The following CDON variants were observed in gnomAD, a reference collection of about 807,000 sequenced individuals.
The protein encoded by CDON is cell adhesion molecule-related/down-regulated by oncogenes.
Under a neutral mutation model 120.9 loss-of-function variants are expected in CDON, and 73 were observed. That is an observed-to-expected ratio of 0.60 (90% confidence interval 0.50 to 0.73). The LOEUF (loss-of-function observed/expected upper bound fraction) is 0.73. Ranked by LOEUF, CDON falls within the 30% of genes least tolerant of loss-of-function variation. The probability of loss-of-function intolerance (pLI) is 0.00; values close to 1 mark genes in which losing one functional copy is unlikely to be tolerated. For synonymous variants in CDON, 566 were observed against 573.5 expected (o/e 0.99, Z 0.19); for missense variants, 1,470 against 1,587.3 (o/e 0.93, Z 1.26).
At chr11:126,012,491 T>C (rs1196627446) in intron 7 of CDON, among the ~76,000 whole-genome samples, 1 of 151,556 alleles carries the variant, frequency 6.6e-6, no homozygotes, top group South Asian at 2.1e-4. Context: ...AACCTCCACC[T>C]CCCGGGTTCT....
chr11:125,967,440 T>G (rs1382461785), intron 18 of CDON, among the ~76,000 whole-genome samples: 2 of 152,206 alleles, frequency 1.3e-5, no homozygotes, highest in Non-Finnish European at 2.9e-5. Flanking sequence ...GTCCTTCTAT[T>G]ATCTGTCTGC....
chr11:126,030,302 T>C (rs779743052), intron 1 of CDON, among the ~76,000 whole-genome samples: 13 of 152,252 alleles, frequency 8.5e-5, no homozygotes, highest in Admixed American at 1.3e-4. Context: ...AATAATCCTT[T>C]GGGAAAAGTC....
chr11:126,055,584 G>A (rs1037195901), intron 1 of CDON, among the ~76,000 whole-genome samples: 1 of 152,172 alleles, frequency 6.6e-6, no homozygotes. Flanking sequence ...CTCTGATACC[G>A]GCCTTTCTCC....
At chr11:126,048,580 G>C (rs1948467404) in intron 1 of CDON, among the ~76,000 whole-genome samples, 1 of 152,174 alleles carries the variant, frequency 6.6e-6, no homozygotes, top group African/African-American at 2.4e-5. Flanking sequence ...AGAGAATGAA[G>C]AGGAAAATTT....
At chr11:125,995,115 A>G (rs1946745727) in intron 12 of CDON, 63 bp from the exon 13 acceptor site, 2 of 1,425,436 alleles carry the variant, frequency 1.4e-6, no homozygotes, top group Admixed American at 1.7e-5. Context: ...AAAAGCTATA[A>G]TAAGACAACT....
rs751905547 is a variant in CDON at position 126,015,316 on chromosome 11, C to A, written c.1123G>T (p.Val375Phe). Residue 375 changes from valine (V) to phenylalanine (F), a missense_variant, in exon 7 of 20, where the codon GTT becomes TTT. Coordinates refer to ENST00000531738, the MANE Select transcript of CDON (RefSeq NM_001378964.1). ...TCTGCTACACACTGATACATCCCAA[C>A]ATCTTCCACAGTAACCCCACTGATT... ...LKISGVTVED[V>F]GMYQCVADNG... 42 of 1,613,954 alleles carry A rather than the reference C, an allele frequency of 2.6e-5. No homozygotes were observed. Among genetic ancestry groups the A allele is most frequent in the Non-Finnish European group, 3.5e-5 (41 of 1,179,964 alleles).
Position 125,981,196 on chromosome 11 carries a change from G to C in CDON, c.3129C>G (p.Ser1043Arg). The C allele has an allele frequency of 6.2e-7, 1 of 1,614,200 alleles. No individual in the cohort carries two copies. Among genetic ancestry groups the C allele is most frequent in the Non-Finnish European group, 8.5e-7 (1 of 1,180,030 alleles). Residue 1043 changes from serine to arginine, a missense_variant, in exon 17 of 20, where the codon AGC becomes AGG. Physicochemically the swap from Ser to Arg is moderately radical, Grantham distance 110. Coordinates refer to ENST00000531738, the MANE Select transcript of CDON (RefSeq NM_001378964.1). ...HGGFLTNGGL[S>R]SGYSHLHHKV... is the part of the protein sequence containing the mutation. ...TATGGTGAAGGTGGGAATAGCCACT[G>C]CTGAGACCGCCATTGGTTAGGAAGC...
At chr11:125,978,124 C>T (rs992010978) in intron 18 of CDON, among the ~76,000 whole-genome samples, 180 bp downstream of exon 18, 2 of 151,904 alleles carry the variant, frequency 1.3e-5, no homozygotes, top group East Asian at 3.8e-4. Flanking sequence ...AACCGAGGCA[C>T]AAAAAGACAA....
At chr11:126,025,072 G>A (rs762608225) in intron 1 of CDON, among the ~76,000 whole-genome samples, 106 of 152,066 alleles carry the variant, frequency 7.0e-4, no homozygotes, top group Non-Finnish European at 1.1e-3. Flanking sequence ...GAGCCTGGTG[G>A]CATGCACCTG....
At chr11:125,978,477 G>A in intron 17 of CDON, 94 bp from the exon 18 acceptor site, 4 of 798,254 alleles carry the variant, frequency 5.0e-6, no homozygotes, top group South Asian at 4.3e-5. Context: ...ATACACATGA[G>A]CCATGTCAAC....
intron 14 of CDON, among the ~76,000 whole-genome samples, chr11:125,993,096 T>C (rs754273413): frequency 3.9e-5 from 6 of 152,190 alleles, no homozygotes; most frequent in East Asian, 3.9e-4. Context: ...CCTCCCCCAA[T>C]TGACTCAGCT....
At chr11:125,992,309 T>C (rs1283981719) in intron 14 of CDON, among the ~76,000 whole-genome samples, 1 of 152,310 alleles carries the variant, frequency 6.6e-6, no homozygotes, top group East Asian at 1.9e-4. Context: ...AATTACTTTT[T>C]ACTTTTGCAC....
intron 1 of CDON, among the ~76,000 whole-genome samples, chr11:126,043,114 A>G (rs1948310147): frequency 6.6e-6 from 1 of 152,200 alleles, no homozygotes; most frequent in African/African-American, 2.4e-5. Context: ...GTCCGCAACA[A>G]ATCAGACTGA....
At chr11:126,039,286 CTT>C (rs1948188966) in intron 1 of CDON, among the ~76,000 whole-genome samples, 1 of 152,148 alleles carries the variant, frequency 6.6e-6, no homozygotes, top group African/African-American at 2.4e-5. Flanking sequence ...GGTTCCCAAA[CTT>C]TGGGATTTTA....
At chr11:126,022,502 A>G (rs1031596741) in intron 2 of CDON, among the ~76,000 whole-genome samples, 1 of 152,248 alleles carries the variant, frequency 6.6e-6, no homozygotes, top group Admixed American at 6.5e-5. Context: ...GCACTGAAGT[A>G]TCCATGCAGA....
rs387906995 is a variant in CDON at position 126,001,812 on chromosome 11, G to A, written c.2065C>T (p.Pro689Ser). Reference protein sequence around the residue: ...ASSKNTQASSPPVGIPKYPVV... With the variant: ...ASSKNTQASSSPVGIPKYPVV... The stretch of plus-strand genomic sequence containing the variant: ...GGATACTTAGGGATGCCCACGGGTG[G>A]AGAGGATGCCTGGGTGTTTTTTGAT... Residue 689 changes from proline (P) to serine (S), a missense_variant, in exon 11 of 20, where the codon CCA (proline) becomes TCA (serine). Coordinates refer to ENST00000531738, the MANE Select transcript of CDON (RefSeq NM_001378964.1). 1.9e-6 allele frequency: 3 copies of A among 1,610,706 alleles called. No individual in the cohort carries two copies. The African/African-American group carries it at 4.0e-5, about 22-fold the overall frequency.
intron 18 of CDON, among the ~76,000 whole-genome samples, chr11:125,973,414 C>G (rs11220294): frequency 0.37 from 56,263 of 151,700 alleles, 10,464 homozygotes; most frequent in Admixed American, 0.43. Context: ...CACCTGTAAT[C>G]CCAGCTACTT....
intron 18 of CDON, among the ~76,000 whole-genome samples, chr11:125,963,189 C>T (rs1332607717): frequency 6.6e-6 from 1 of 152,116 alleles, no homozygotes; most frequent in Non-Finnish European, 1.5e-5. Flanking sequence ...TATTCAGTTT[C>T]TGCCTGCTTC....
chr11:125,995,177 T>C lies in CDON; in HGVS notation c.2363-125A>G, dbSNP rs568122654. ...ATTGTGCTGAAGTACCTATCTATAC[T>C]AAAGTATCTAAAGCCTGTATGGTAA... is the stretch of plus-strand genomic sequence containing the variant. On this transcript the variant is annotated intron_variant, in intron 12 of 19. Transcript: ENST00000531738. 1.7e-5 allele frequency: 13 copies of C among 773,666 alleles called. No individual in the cohort carries two copies. In the East Asian group the frequency reaches 3.2e-4, roughly 19 times the overall value. The allele number at this position is 773,666 out of a possible 1,614,324, so 47.9% of individuals were successfully genotyped here.
Sources: allele counts gnomAD v4.1 joint callset (sites outside exome capture counted in the v4.1 genomes callset), GRCh38; gene constraint gnomAD v4.1.1; transcripts MANE v1.5; gene names NCBI Gene and HGNC (gene_info 2026-07-23, HGNC 2026-07-21).